The following CNTRL variants were observed in gnomAD, a reference collection of about 807,000 sequenced individuals.
The protein encoded by CNTRL is 110 kDa centrosomal protein.
Under a neutral mutation model 303.7 loss-of-function variants are expected in CNTRL, and 233 were observed. The observed-to-expected ratio is 0.77, with a 90% CI of 0.69 to 0.86. The LOEUF is 0.86. CNTRL is among the 40% of genes least tolerant of loss of function. The probability of loss-of-function intolerance (pLI) is 0.00; values close to 1 mark genes in which losing one functional copy is unlikely to be tolerated. For missense variants in CNTRL, 2,524 were observed against 2,650.6 expected (o/e 0.95, Z 1.05); for synonymous variants, 900 against 922.2 (o/e 0.98, Z 0.44).
chr9:121,139,533 T>C (rs1207335733), intron 16 of CNTRL, among the ~76,000 whole-genome samples: 1 of 152,202 alleles, frequency 6.6e-6, no homozygotes, highest in Non-Finnish European at 1.5e-5. Context: ...TCTAATAACC[T>C]GGAATTTAAT....
chr9:121,121,860 A>C (rs1396986427), intron 12 of CNTRL: 1 of 985,272 alleles, frequency 1.0e-6, no homozygotes, highest in Non-Finnish European at 1.2e-6. Flanking sequence ...AGGGAAGTGC[A>C]CATGAATTTG....
intron 8 of CNTRL, among the ~76,000 whole-genome samples, chr9:121,109,041 G>T (rs2049620391): frequency 6.6e-6 from 1 of 152,038 alleles, no homozygotes; most frequent in Admixed American, 6.6e-5. Flanking sequence ...TGTATCTGTG[G>T]GGGATTGGTT....
intron 36 of CNTRL, among the ~76,000 whole-genome samples, chr9:121,166,411 A>G (rs951681011): frequency 1.3e-5 from 2 of 152,186 alleles, no homozygotes; most frequent in Non-Finnish European, 2.9e-5. Context: ...AAAGCTAGTA[A>G]GTAGGGTGGT....
intron 27 of CNTRL, among the ~76,000 whole-genome samples, chr9:121,156,535 C>G (rs1252487977): frequency 1.3e-5 from 2 of 152,182 alleles, no homozygotes; most frequent in African/African-American, 4.8e-5. Flanking sequence ...ATATGTAGCT[C>G]TCTGGGAGCT....
intron 19 of CNTRL, among the ~76,000 whole-genome samples, chr9:121,142,763 G>T (rs369363392): frequency 2.0e-5 from 3 of 152,084 alleles, no homozygotes; most frequent in African/African-American, 7.2e-5. Flanking sequence ...GATCATAACC[G>T]CTTATCTTGC....
At chr9:121,145,648 A>G (rs2051803794) in intron 22 of CNTRL, among the ~76,000 whole-genome samples, 1 of 152,180 alleles carries the variant, frequency 6.6e-6, no homozygotes, top group Non-Finnish European at 1.5e-5. Flanking sequence ...TGATCATAGC[A>G]CTTTGGGAGG....
Position 121,090,287 on chromosome 9 carries a change from A to T in CNTRL, c.230A>T (p.His77Leu). The change falls in exon 4 of 44, where the codon CAT becomes CTT. Residue 77 changes from histidine (H) to leucine (L), a missense_variant. By Grantham distance (99) the His-to-Leu change is moderately conservative. Coordinates refer to ENST00000373855, the MANE Select transcript of CNTRL (RefSeq NM_007018.6). ...DYQDHKGADS[H>L]AGVRYITEAL... is the part of the protein sequence containing the mutation. Reference sequence around the variant, plus strand: ...TCTATAATTTCAGGAGCTGATTCACATGCAGGAGTTAGATATATTACAGAG... The same window carrying T: ...TCTATAATTTCAGGAGCTGATTCACTTGCAGGAGTTAGATATATTACAGAG... The T allele has an allele frequency of 6.2e-7, 1 of 1,603,070 alleles. No homozygotes were observed. The highest frequency in any genetic ancestry group is 1.1e-5 in the South Asian group (1 of 88,564).
intron 22 of CNTRL, among the ~76,000 whole-genome samples, 180 bp from the exon 23 acceptor site, chr9:121,145,928 A>T (rs940035486): frequency 6.6e-6 from 1 of 152,178 alleles, no homozygotes; most frequent in Non-Finnish European, 1.5e-5. Flanking sequence ...TGTATTTGTA[A>T]TTTCAAAATA....
chr9:121,118,513 T>G lies in CNTRL; in HGVS notation c.1623T>G (p.Asp541Glu). Residue 541 changes from aspartate (D) to glutamate (E), a missense_variant, in exon 12 of 44, where the codon GAT becomes GAG. By Grantham distance (45) the Asp-to-Glu change is conservative. Transcript: ENST00000373855. The part of the protein sequence containing the change: ...KEIKDLQIAI[D>E]SLDSKDPKHS... ...TTAAGGACCTGCAAATAGCCATAGA[T>G]AGCCTGGATTCCAAAGACCCAAAAC... is the stretch of plus-strand genomic sequence containing the variant. The G allele has an allele frequency of 6.2e-7, 1 of 1,602,410 alleles. No individual in the cohort carries two copies. Among genetic ancestry groups the G allele is most frequent in the African/African-American group, 1.3e-5 (1 of 74,414 alleles).
In CNTRL at chr9:121,125,817, C is replaced by CAGAATGAGT; in HGVS notation, c.1907_1915dup (p.Glu638_Cys639insTer). 6.2e-7 allele frequency: 1 copy of CAGAATGAGT among 1,614,184 alleles called. No individual in the cohort carries two copies. The highest frequency in any genetic ancestry group is 8.5e-7 in the Non-Finnish European group (1 of 1,180,014). ...CATTAAAGGCCAGGCAACTCAGGCC[C>CAGAATGAGT]AGAATGAGTGCAGGAAGCTGCGGGA... On this transcript the variant is annotated stop_gained and inframe_insertion, in exon 14 of 44. Coordinates refer to ENST00000373855, the MANE Select transcript of CNTRL (RefSeq NM_007018.6). LOFTEE classifies it high-confidence loss of function.
In CNTRL at chr9:121,141,531, A is replaced by G; in HGVS notation, c.2634A>G (p.Lys878=). 1.2e-6 allele frequency: 2 copies of G among 1,614,170 alleles called. No homozygotes were observed. The highest frequency in any genetic ancestry group is 1.7e-6 in the Non-Finnish European group (2 of 1,180,012). The stretch of plus-strand genomic sequence containing the variant: ...AAGAAATGGCTCTGCAGCAAGAGAA[A>G]CTGGCAACTGGACAAGAAGAGTTCA... The part of the protein sequence containing the change: ...LQEEMALQQE[K]LATGQEEFRQ... Residue 878 remains lysine, a synonymous_variant, in exon 18 of 44, where the codon AAA becomes AAG. Coordinates refer to ENST00000373855, the MANE Select transcript of CNTRL (RefSeq NM_007018.6).
intron 42 of CNTRL, 70 bp from the exon 43 acceptor site, chr9:121,174,948 T>C (rs1383161633): frequency 1.5e-6 from 2 of 1,364,084 alleles, no homozygotes; most frequent in Non-Finnish European, 2.1e-6. Context: ...CAAATGTATG[T>C]GAGGAAGCTG....
At chr9:121,077,164 C>A (rs1008226110) in intron 1 of CNTRL, among the ~76,000 whole-genome samples, 1 of 152,112 alleles carries the variant, frequency 6.6e-6, no homozygotes, top group African/African-American at 2.4e-5. Flanking sequence ...ATTATCATGT[C>A]ATTCCAATGG....
chr9:121,168,868 ATGT>A (rs1290926738), intron 38 of CNTRL, among the ~76,000 whole-genome samples: 1 of 152,142 alleles, frequency 6.6e-6, no homozygotes, highest in Non-Finnish European at 1.5e-5. Flanking sequence ...TGCTTGGAAA[ATGT>A]TGTGGGCTTG....
chr9:121,122,517 C>A, intron 12 of CNTRL: 2 of 428,476 alleles, frequency 4.7e-6, no homozygotes, highest in Non-Finnish European at 6.2e-6. Flanking sequence ...CTGACTGATA[C>A]AGTTCCCTCT....
At position 121,142,285 on chromosome 9, in the gene CNTRL, G is replaced by GA; in HGVS notation, c.2871+19dup. 1 of 1,587,666 alleles carries GA rather than the reference G, an allele frequency of 6.3e-7. No homozygotes were observed. The highest frequency in any genetic ancestry group is 8.5e-7 in the Non-Finnish European group (1 of 1,170,534). On this transcript the variant is annotated intron_variant, in intron 19 of 43. Coordinates refer to ENST00000373855, the MANE Select transcript of CNTRL (RefSeq NM_007018.6). The stretch of plus-strand genomic sequence containing the variant: ...TAGAGAAAAAGGTAGGGGAGACTTA[G>GA]AAAATGAGACACATAAGTACCTGCT...
chr9:121,160,257 G>A lies in CNTRL; in HGVS notation c.5044G>A (p.Glu1682Lys). 1.9e-6 allele frequency: 3 copies of A among 1,549,108 alleles called. No homozygotes were observed. The highest frequency in any genetic ancestry group is 2.4e-5 in the East Asian group (1 of 41,190). Residue 1682 changes from glutamate to lysine, a missense_variant, in exon 32 of 44, where the codon GAA becomes AAA. Transcript: ENST00000373855. ...AAAGCAGGAAATTGAAAAAGAGGAA[G>A]AAAATCTTCAGGTTGTTTTAAGGCA... ...LIKQEIEKEEENLQVVLRQMS... is the reference protein window; with the variant it reads ...LIKQEIEKEEKNLQVVLRQMS...
chr9:121,078,324 C>T (rs2048008803), intron 1 of CNTRL, among the ~76,000 whole-genome samples: 2 of 152,264 alleles, frequency 1.3e-5, no homozygotes, highest in South Asian at 4.1e-4. Flanking sequence ...GGGACAATCA[C>T]TTGAACCTGG....
chr9:121,161,816 C>A, intron 32 of CNTRL, 40 bp from the exon 33 acceptor site: 3 of 1,395,876 alleles, frequency 2.1e-6, no homozygotes, highest in South Asian at 2.4e-5. Context: ...TTTCCAAGTT[C>A]ATTTAATATC....
Sources: gnomAD v4.1 joint callset for allele counts (sites outside exome capture counted in the v4.1 genomes callset) on GRCh38, gnomAD v4.1.1 for gene constraint, MANE v1.5 for transcripts, NCBI Gene and HGNC (gene_info 2026-07-23, HGNC 2026-07-21) for gene names.